Variants in SRGAP2 observed in about 807,000 individuals in gnomAD.
SRGAP2 encodes the protein SLIT-ROBO Rho GTPase-activating protein 2.
SRGAP2 carries 15 observed loss-of-function variants against 57.2 expected under a neutral mutation model. The ratio of observed to expected loss-of-function variants is 0.26; its 90% confidence interval spans 0.18 to 0.40. SRGAP2 has a LOEUF of 0.40. Among genes scored for constraint, SRGAP2 ranks in the 10% least tolerant of loss-of-function variants. SRGAP2 has a pLI of 1.00. For synonymous variants in SRGAP2, 249 were observed against 248.0 expected, an observed-to-expected ratio of 1.00 and a Z score of -0.04; for missense variants, 520 against 669.6, an observed-to-expected ratio of 0.78 and a Z score of 2.47.
intron 2 of SRGAP2, among the ~76,000 whole-genome samples, chr1:206,276,627 T>C (rs1670428344): frequency 6.6e-6 from 1 of 151,954 alleles, no homozygotes; most frequent in Non-Finnish European, 1.5e-5. Context: ...TCCTCTATAA[T>C]TGTTTTATGG....
At chr1:206,322,387 C>A (rs1237484136) in intron 3 of SRGAP2, among the ~76,000 whole-genome samples, 12 of 148,462 alleles carry the variant, frequency 8.1e-5, no homozygotes, top group African/African-American at 2.7e-4. Context: ...TCCTGGCTAA[C>A]ACGGTGAAAC....
At chr1:206,260,747 C>T (rs1669501214) in intron 2 of SRGAP2, among the ~76,000 whole-genome samples, 1 of 152,198 alleles carries the variant, frequency 6.6e-6, no homozygotes, top group South Asian at 2.1e-4. Flanking sequence ...TACAAATGTG[C>T]ACTTGAGTTG....
intron 16 of SRGAP2, among the ~76,000 whole-genome samples, chr1:206,438,322 C>CT (rs797043579): frequency 4.0e-4 from 59 of 145,856 alleles, no homozygotes; most frequent in Admixed American, 7.5e-4. Context: ...TACTCCTGGC[C>CT]TTTTTTTTTT....
At chr1:206,280,183 G>C (rs1298297964) in intron 2 of SRGAP2, among the ~76,000 whole-genome samples, 1,715 of 149,226 alleles carry the variant, frequency 0.011, 11 homozygotes, top group South Asian at 0.025. Flanking sequence ...CAAGGCTCAA[G>C]CAATTCTCCC....
intron 2 of SRGAP2, among the ~76,000 whole-genome samples, chr1:206,249,562 T>C (rs1348159109): frequency 6.8e-5 from 10 of 147,476 alleles, no homozygotes; most frequent in Non-Finnish European, 6.0e-5. Flanking sequence ...ACGGGCACAG[T>C]GTGGGGAACA....
chr1:206,240,169 G>A (rs1487471746), intron 2 of SRGAP2, among the ~76,000 whole-genome samples: 6 of 151,848 alleles, frequency 4.0e-5, no homozygotes, highest in African/African-American at 1.5e-4. Flanking sequence ...AGGAGGCTGA[G>A]GCAGGAGAGC....
chr1:206,372,088 G>A (rs1553342750), intron 4 of SRGAP2, among the ~76,000 whole-genome samples: 1 of 86,196 alleles, frequency 1.2e-5, no homozygotes, highest in Non-Finnish European at 2.0e-5. Context: ...CCAAAGTGCT[G>A]TGGTTACAGG....
intron 2 of SRGAP2, among the ~76,000 whole-genome samples, chr1:206,217,254 A>T (rs1418273210): frequency 6.6e-6 from 1 of 152,114 alleles, no homozygotes; most frequent in Non-Finnish European, 1.5e-5. Flanking sequence ...AGCTTGTCAG[A>T]TGAGTAAGCT....
At chr1:206,458,572 C>T in intron 21 of SRGAP2, 51 bp from the exon 22 acceptor site, 1 of 675,428 alleles carries the variant, frequency 1.5e-6, no homozygotes, top group East Asian at 2.7e-5. Context: ...TCCTAGCTTC[C>T]TTGGAGCCAG....
rs1241042161 is a variant in SRGAP2 at position 206,409,915 on chromosome 1, A to G, written c.1356+3341A>G. On this transcript the variant is annotated intron_variant, in intron 10 of 22. Transcript: ENST00000573034. ...GGAGTTTGAGACCAGCCTGATCAACATGGAGAAACCTCGTCTCTACTAAAA... is the reference window on the plus strand; with the variant it reads ...GGAGTTTGAGACCAGCCTGATCAACGTGGAGAAACCTCGTCTCTACTAAAA... Among the ~76,000 whole-genome samples, 16 of 151,448 alleles carry G rather than the reference A, an allele frequency of 1.1e-4. No individual in the cohort carries two copies. In the East Asian group the frequency reaches 2.3e-3, roughly 22 times the overall value.
intron 11 of SRGAP2, 94 bp downstream of exon 11, chr1:206,416,067 C>G: frequency 1.5e-6 from 1 of 653,754 alleles, no homozygotes; most frequent in Middle Eastern, 3.1e-4. Flanking sequence ...CAAGTGGACC[C>G]GATCTTGTTG....
chr1:206,421,178 T>TG, intron 12 of SRGAP2, 72 bp from the exon 13 acceptor site: 2 of 732,486 alleles, frequency 2.7e-6, no homozygotes, highest in Non-Finnish European at 5.1e-6. Context: ...GTTTATCTCA[T>TG]TCGTCCCAAT....
chr1:206,248,578 T>G (rs1288967181), intron 2 of SRGAP2, among the ~76,000 whole-genome samples: 2 of 152,020 alleles, frequency 1.3e-5, no homozygotes, highest in African/African-American at 4.8e-5. Context: ...AGTTCCACAT[T>G]TATTCATTCA....
chr1:206,238,738 G>A (rs1558242612), intron 2 of SRGAP2, among the ~76,000 whole-genome samples: 1 of 152,058 alleles, frequency 6.6e-6, no homozygotes, highest in Non-Finnish European at 1.5e-5. Context: ...GCATTGGGCA[G>A]AGTGTTTGAA....
Position 206,446,249 on chromosome 1 carries a change from G to C in SRGAP2, c.2049G>C (p.Arg683Ser). ...IQHENIFPSPRELEGPVYSRG... is the reference protein window; with the variant it reads ...IQHENIFPSPSELEGPVYSRG... ...ATGAGAACATCTTCCCAAGCCCCAG[G>C]GAGCTGGAGGGCCCTGTCTACAGCA... The change falls in exon 18 of 23, where the codon AGG (arginine) becomes AGC (serine). Residue 683 changes from arginine to serine, a missense_variant. Arg to Ser is a moderately radical substitution (Grantham distance 110). Coordinates refer to ENST00000573034, the MANE Select transcript of SRGAP2 (RefSeq NM_015326.5). 1 of 780,922 alleles carries C rather than the reference G, an allele frequency of 1.3e-6. No homozygotes were observed. Among genetic ancestry groups the C allele is most frequent in the Non-Finnish European group, 2.4e-6 (1 of 418,000 alleles). 48.4% of individuals were successfully genotyped at this position (780,922 alleles called of 1,614,324 possible).
intron 3 of SRGAP2, among the ~76,000 whole-genome samples, chr1:206,313,804 A>G (rs2102801473): frequency 6.6e-6 from 1 of 151,554 alleles, no homozygotes; most frequent in East Asian, 2.0e-4. Flanking sequence ...TTGGGATGGT[A>G]GGAATGAAAA....
chr1:206,364,508 C>T (rs1653758918), intron 4 of SRGAP2, among the ~76,000 whole-genome samples: 2 of 152,030 alleles, frequency 1.3e-5, no homozygotes, highest in Admixed American at 6.5e-5. Flanking sequence ...ACTATGTTGG[C>T]CAGGCTAGTC....
intron 18 of SRGAP2, among the ~76,000 whole-genome samples, chr1:206,447,194 TC>T (rs150770917): frequency 0.011 from 1,674 of 149,496 alleles, 12 homozygotes; most frequent in South Asian, 0.027. Flanking sequence ...CTCCTCCCCC[TC>T]CCTTCTTCCC....
In SRGAP2 at chr1:206,458,803, T is replaced by C. The variant is rs782386205; in HGVS notation, c.2688T>C (p.Ser896=). The part of the protein sequence containing the change: ...PKEGPDKCSI[S]GHGSLNSISR... ...AAGGGCCAGATAAGTGTTCCATCAG[T>C]GGGCACGGGAGCCTCAACTCCATCA... Residue 896 remains serine (S), a synonymous_variant, in exon 22 of 23, where the codon AGT becomes AGC. Coordinates refer to ENST00000573034, the MANE Select transcript of SRGAP2 (RefSeq NM_015326.5). 4.4e-5 allele frequency: 34 copies of C among 780,712 alleles called. No homozygotes were observed. In the East Asian group the frequency reaches 8.2e-4, roughly 19 times the overall value. 48.4% of individuals were successfully genotyped at this position (780,712 alleles called of 1,614,324 possible).
Sources: allele counts gnomAD v4.1 joint callset (sites outside exome capture counted in the v4.1 genomes callset), GRCh38; gene constraint gnomAD v4.1.1; transcripts MANE v1.5; gene names NCBI Gene and HGNC (gene_info 2026-07-23, HGNC 2026-07-21).